The following PKD1L1 variants were observed in gnomAD, a reference collection of about 807,000 sequenced individuals.
PKD1L1 encodes polycystin-1-like protein 1.
A neutral mutation model predicts 323.4 loss-of-function variants in PKD1L1; 236 were observed. The observed-to-expected ratio is 0.73, with a 90% confidence interval of 0.66 to 0.81. PKD1L1 has a LOEUF of 0.81. Among genes scored for constraint, PKD1L1 ranks in the 40% least tolerant of loss-of-function variants. PKD1L1 has a pLI of 0.00. For synonymous variants in PKD1L1, 1,344 were observed against 1,335.0 expected (o/e 1.01, Z -0.15); for missense variants, 3,320 against 3,508.0 (o/e 0.95, Z 1.35).
chr7:47,808,737 C>T (rs1784833652), intron 51 of PKD1L1, among the ~76,000 whole-genome samples: 1 of 152,076 alleles, frequency 6.6e-6, no homozygotes, highest in South Asian at 2.1e-4. Context: ...AAATACAGTA[C>T]AAAAGGTAAA....
intron 34 of PKD1L1, among the ~76,000 whole-genome samples, chr7:47,841,220 G>T (rs1785557975): frequency 6.6e-6 from 1 of 152,142 alleles, no homozygotes; most frequent in African/African-American, 2.4e-5. Flanking sequence ...ATGATGTAAA[G>T]ATTTAATAGT....
intron 45 of PKD1L1, among the ~76,000 whole-genome samples, chr7:47,824,028 G>T (rs1785196529): frequency 6.6e-6 from 1 of 152,142 alleles, no homozygotes. Context: ...CTGGCTTCTT[G>T]GTCCTCTGAC....
the PKD1L1 span, among the ~76,000 whole-genome samples, chr7:47,959,546 C>T: frequency 6.8e-6 from 1 of 146,932 alleles, no homozygotes; most frequent in South Asian, 2.2e-4. Flanking sequence ...CGTCTCTGCC[C>T]AGCCGCCCCG....
At chr7:47,929,677 T>A in intron 6 of PKD1L1, 151 bp from the exon 7 acceptor site, 1 of 728,650 alleles carries the variant, frequency 1.4e-6, no homozygotes, top group East Asian at 2.7e-5. Flanking sequence ...GTTCTCAGAG[T>A]GGGGTCCCAG....
In PKD1L1 at chr7:47,929,274, A is replaced by C. The variant is rs1787714942; in HGVS notation, c.990T>G (p.Ser330=). 1 of 1,614,048 alleles carries C rather than the reference A, an allele frequency of 6.2e-7. No individual in the cohort carries two copies. The highest frequency in any genetic ancestry group is 1.1e-5 in the South Asian group (1 of 91,088). The part of the protein sequence containing the change: ...LCLMMDFGDS[S]GVEMRLHNMS... Reference sequence around the variant, plus strand: ...TGTTGTGTAGCCTCATTTCAACCCCAGAACTGTCCCCGAAATCCATCATCA... The same window carrying C: ...TGTTGTGTAGCCTCATTTCAACCCCCGAACTGTCCCCGAAATCCATCATCA... The change falls in exon 7 of 57, where the codon TCT becomes TCG. Residue 330 remains serine, a synonymous_variant. Transcript: ENST00000289672.
chr7:47,843,095 C>T lies in PKD1L1; in HGVS notation c.5312G>A (p.Ser1771Asn), dbSNP rs759311185. ...VILYGFLVAKSRQVDHHEKKK... is the reference protein window; with the variant it reads ...VILYGFLVAKNRQVDHHEKKK... ...TTTTTCATGATGATCTACTTGTCTA[C>T]TTTTAGCGACCAAAAATCCATAAAG... Residue 1771 changes from serine (S) to asparagine (N), a missense_variant, in exon 34 of 57, where the codon AGT becomes AAT. Transcript: ENST00000289672. The T allele has an allele frequency of 1.9e-6, 3 of 1,613,680 alleles. No homozygotes were observed. Among genetic ancestry groups the T allele is most frequent in the African/African-American group, 1.3e-5 (1 of 74,846 alleles).
chr7:47,819,463 C>A, intron 46 of PKD1L1: 2 of 1,128,522 alleles, frequency 1.8e-6, no homozygotes, highest in South Asian at 1.6e-5. Context: ...TTTAGATTTC[C>A]ATTTCCATTG....
chr7:47,884,041 G>A (rs896424279), intron 19 of PKD1L1, among the ~76,000 whole-genome samples: 15 of 152,192 alleles, frequency 9.9e-5, no homozygotes, highest in African/African-American at 3.1e-4. Context: ...GCATAAGCTG[G>A]CCATGGAAGC....
chr7:47,834,925 C>A, intron 39 of PKD1L1, 42 bp downstream of exon 39: 1 of 1,564,840 alleles, frequency 6.4e-7, no homozygotes, highest in South Asian at 1.1e-5. Context: ...GCAAAAGGCT[C>A]AGCCCCACGG....
At chr7:47,792,038 C>T (rs1436479156) in intron 56 of PKD1L1, among the ~76,000 whole-genome samples, 1 of 152,204 alleles carries the variant, frequency 6.6e-6, no homozygotes, top group Non-Finnish European at 1.5e-5. Flanking sequence ...CAGCTTCCTA[C>T]AAAGACGGCT....
chr7:47,909,947 A>G (rs753912203), intron 8 of PKD1L1, among the ~76,000 whole-genome samples: 7 of 152,226 alleles, frequency 4.6e-5, no homozygotes, highest in Non-Finnish European at 5.9e-5. Flanking sequence ...CTCTAAGCAC[A>G]ACTCAGATTA....
At chr7:47,788,362 C>T (rs1487911068) in intron 56 of PKD1L1, among the ~76,000 whole-genome samples, 1 of 150,156 alleles carries the variant, frequency 6.7e-6, no homozygotes, top group Non-Finnish European at 1.5e-5. Context: ...GCGATCTCTG[C>T]TCACTGCAAC....
At chr7:47,859,647 G>A (rs1433877640) in intron 26 of PKD1L1, among the ~76,000 whole-genome samples, 1 of 128,272 alleles carries the variant, frequency 7.8e-6, no homozygotes, top group Non-Finnish European at 1.6e-5. Context: ...TTTTTTTTGA[G>A]ATGGAGTTTG....
chr7:47,944,617 G>T (rs959550422), intron 1 of PKD1L1, among the ~76,000 whole-genome samples: 1 of 152,190 alleles, frequency 6.6e-6, no homozygotes, highest in East Asian at 1.9e-4. Context: ...CTCTCTACAG[G>T]TGTGCCTCCA....
At chr7:47,808,734 G>T (rs1418640453) in intron 51 of PKD1L1, among the ~76,000 whole-genome samples, 1 of 152,164 alleles carries the variant, frequency 6.6e-6, no homozygotes, top group Non-Finnish European at 1.5e-5. Flanking sequence ...TAAAAATACA[G>T]TACAAAAGGT....
intron 48 of PKD1L1, chr7:47,813,596 C>T (rs1353937297): frequency 4.5e-6 from 3 of 665,976 alleles, no homozygotes; most frequent in African/African-American, 1.8e-5. Flanking sequence ...AGGGCATACC[C>T]TCCCCATTAG....
At chr7:47,785,994 G>A (rs1407871025) in intron 56 of PKD1L1, among the ~76,000 whole-genome samples, 1 of 151,888 alleles carries the variant, frequency 6.6e-6, no homozygotes, top group African/African-American at 2.4e-5. Context: ...CACCTGCCTC[G>A]GCCTCCCAAA....
rs558794123 is a variant in PKD1L1, at chr7:47,874,857, G to A, written c.3785-847C>T. ...TATTGTATTTATTTTGCTTATGTTCGCCCCCTTACAAATCTTGAGTTCAGG... is the reference window on the plus strand; with the variant it reads ...TATTGTATTTATTTTGCTTATGTTCACCCCCTTACAAATCTTGAGTTCAGG... On this transcript the variant is annotated intron_variant, in intron 23 of 56. Coordinates refer to ENST00000289672, the MANE Select transcript of PKD1L1 (RefSeq NM_138295.5). 4.6e-5 allele frequency among the ~76,000 whole-genome samples: 7 copies of A among 152,186 alleles called. No homozygotes were observed. The East Asian group carries it at 7.7e-4, about 17-fold the overall frequency.
rs1583648297 is a variant in PKD1L1 at position 47,885,740 on chromosome 7, T to G, written c.3151A>C (p.Thr1051Pro). The G allele has an allele frequency of 6.2e-7, 1 of 1,614,008 alleles. No individual in the cohort carries two copies. Among genetic ancestry groups the G allele is most frequent in the Admixed American group, 1.7e-5 (1 of 60,006 alleles). Residue 1051 changes from threonine to proline, a missense_variant, in exon 18 of 57, where the codon ACT becomes CCT. Physicochemically the swap from Thr to Pro is conservative, Grantham distance 38. Transcript: ENST00000289672. ...PGPQSKGSLMTGRSERSQPTH... is the reference protein window; with the variant it reads ...PGPQSKGSLMPGRSERSQPTH... ...GGCTGACTTCTCTCAGAGCGGCCAG[T>G]CATCAGGGATCCCTTGCTCTGTGGC...
Sources: gnomAD v4.1 joint callset for allele counts (sites outside exome capture counted in the v4.1 genomes callset) on GRCh38, gnomAD v4.1.1 for gene constraint, MANE v1.5 for transcripts, NCBI Gene and HGNC (gene_info 2026-07-23, HGNC 2026-07-21) for gene names.